Variants in CPED1 observed in about 807,000 individuals in gnomAD.
CPED1 encodes cadherin-like and PC-esterase domain-containing protein 1.
In CPED1, 114 loss-of-function variants were observed where a neutral mutation model predicts 128.2. That is an observed-to-expected ratio of 0.89 (90% CI 0.76 to 1.04). CPED1 has a LOEUF of 1.04. CPED1 is among the 50% of genes least tolerant of loss of function. CPED1 has a pLI of 0.00. For missense variants in CPED1, 1,211 were observed against 1,207.1 expected (o/e 1.00, Z -0.05); for synonymous variants, 462 against 426.7 (o/e 1.08, Z -1.02).
intron 16 of CPED1, among the ~76,000 whole-genome samples, chr7:121,176,780 A>G (rs1379054398): frequency 6.6e-6 from 1 of 152,130 alleles, no homozygotes; most frequent in African/African-American, 2.4e-5. Flanking sequence ...CTGCGCTAAT[A>G]TAACTTGTTG....
intron 5 of CPED1, among the ~76,000 whole-genome samples, chr7:121,090,617 A>G (rs1260234870): frequency 1.3e-5 from 2 of 152,166 alleles, no homozygotes; most frequent in Admixed American, 6.5e-5. Context: ...ACTCTGGTCA[A>G]TGCTATTTGC....
chr7:121,169,085 T>C (rs1796595883), intron 16 of CPED1, among the ~76,000 whole-genome samples: 1 of 152,214 alleles, frequency 6.6e-6, no homozygotes, highest in East Asian at 1.9e-4. Context: ...TTACAAGCTA[T>C]TTAAAAATCT....
intron 7 of CPED1, among the ~76,000 whole-genome samples, chr7:121,123,111 C>A (rs1033143450): frequency 3.3e-5 from 5 of 152,132 alleles, no homozygotes; most frequent in Admixed American, 2.0e-4. Flanking sequence ...AATTTGTTTT[C>A]TTTCAATCAT....
At chr7:121,084,830 G>A (rs1201179147) in intron 5 of CPED1, among the ~76,000 whole-genome samples, 2 of 152,172 alleles carry the variant, frequency 1.3e-5, no homozygotes, top group South Asian at 4.1e-4. Context: ...CATCGTAGCA[G>A]CTGTTGTGGT....
chr7:121,096,413 T>TA (rs1794699998), intron 5 of CPED1, among the ~76,000 whole-genome samples: 1 of 152,096 alleles, frequency 6.6e-6, no homozygotes, highest in South Asian at 2.1e-4. Flanking sequence ...ATTATATAAT[T>TA]AAAAAATAAA....
intron 3 of CPED1, among the ~76,000 whole-genome samples, chr7:121,026,163 A>G (rs1487984037): frequency 1.3e-5 from 2 of 152,164 alleles, no homozygotes; most frequent in Admixed American, 6.5e-5. Context: ...CATTGAGCAA[A>G]TGACAGTGGT....
At chr7:121,171,385 C>T (rs1035272818) in intron 16 of CPED1, among the ~76,000 whole-genome samples, 10 of 152,142 alleles carry the variant, frequency 6.6e-5, no homozygotes, top group African/African-American at 2.2e-4. Context: ...TCCATAAACA[C>T]TTATTGTCCA....
rs139810024 is a variant in CPED1, at chr7:121,225,688, T to C, written c.2056-11026T>C. 9.6e-3 allele frequency among the ~76,000 whole-genome samples: 1,458 copies of C among 152,232 alleles called. 28 individuals carry two copies. Among genetic ancestry groups the C allele is most frequent in the African/African-American group, 0.034 (1,395 of 41,542 alleles). On this transcript the variant is annotated intron_variant, in intron 16 of 22. Transcript: ENST00000310396. The stretch of plus-strand genomic sequence containing the variant: ...GGCTTTGTTCATTTCTTTTTACTCT[T>C]TTTTCTCTAACCTTGTTTTCTCTCT...
At chr7:121,217,988 A>T (rs1368667156) in intron 16 of CPED1, among the ~76,000 whole-genome samples, 3 of 144,070 alleles carry the variant, frequency 2.1e-5, no homozygotes, top group South Asian at 2.2e-4. Context: ...GTTTTTGCCA[A>T]TTTTTTTTTT....
intron 2 of CPED1, among the ~76,000 whole-genome samples, chr7:121,010,299 T>C (rs1168569050): frequency 6.6e-6 from 1 of 152,194 alleles, no homozygotes; most frequent in Non-Finnish European, 1.5e-5. Flanking sequence ...TCACCATGGC[T>C]GGAGTGCAGT....
At chr7:121,144,260 C>T (rs1231156769) in intron 16 of CPED1, among the ~76,000 whole-genome samples, 1 of 152,018 alleles carries the variant, frequency 6.6e-6, no homozygotes, top group Non-Finnish European at 1.5e-5. Context: ...CAGCATTATT[C>T]ACAATAGCCA....
intron 4 of CPED1, chr7:121,061,159 T>A (rs929806931): frequency 1.5e-6 from 1 of 675,746 alleles, no homozygotes; most frequent in African/African-American, 2.0e-5. Context: ...ATTCTTGAAG[T>A]CAGACCAAGA....
chr7:121,245,332 AAAG>A (rs1318265563), intron 18 of CPED1, among the ~76,000 whole-genome samples: 1 of 152,094 alleles, frequency 6.6e-6, no homozygotes, highest in East Asian at 1.9e-4. Flanking sequence ...TTTTTTAAAA[AAAG>A]AAGGGAAGAA....
At chr7:121,265,141 C>CT (rs1792095713) in intron 18 of CPED1, among the ~76,000 whole-genome samples, 1 of 151,906 alleles carries the variant, frequency 6.6e-6, no homozygotes, top group Admixed American at 6.6e-5. Context: ...GGCAGACAGA[C>CT]TAACATAAGG....
At chr7:121,186,552 A>G (rs555560845) in intron 16 of CPED1, among the ~76,000 whole-genome samples, 2 of 152,294 alleles carry the variant, frequency 1.3e-5, no homozygotes, top group African/African-American at 4.8e-5. Flanking sequence ...CACATAGGGC[A>G]CTATACACAC....
chr7:121,226,182 G>A (rs1253771871), intron 16 of CPED1, among the ~76,000 whole-genome samples: 1 of 152,018 alleles, frequency 6.6e-6, no homozygotes, highest in African/African-American at 2.4e-5. Flanking sequence ...TGTCCTTTTT[G>A]TTGATGTTGG....
At chr7:121,147,695 G>C (rs1184460942) in intron 16 of CPED1, among the ~76,000 whole-genome samples, 2 of 152,046 alleles carry the variant, frequency 1.3e-5, no homozygotes, top group Non-Finnish European at 2.9e-5. Context: ...ATAAATAAAA[G>C]CTACAGGAAG....
At chr7:121,230,106 G>A (rs17284918) in intron 16 of CPED1, among the ~76,000 whole-genome samples, 70,638 of 151,846 alleles carry the variant, frequency 0.47, 18,994 homozygotes, top group East Asian at 0.87. Flanking sequence ...ACATATTGGT[G>A]GTCCATAGAA....
At chr7:121,053,139 C>T (rs907248063) in intron 4 of CPED1, among the ~76,000 whole-genome samples, 2 of 152,174 alleles carry the variant, frequency 1.3e-5, no homozygotes, top group East Asian at 3.8e-4. Flanking sequence ...AACCATGGTA[C>T]TTTCATCAAA....
Sources: allele counts gnomAD v4.1 joint callset (sites outside exome capture counted in the v4.1 genomes callset), GRCh38; gene constraint gnomAD v4.1.1; transcripts MANE v1.5; gene names NCBI Gene and HGNC (gene_info 2026-07-23, HGNC 2026-07-21).